Variants in VAV3 observed in about 807,000 individuals in gnomAD.
VAV3 encodes the protein guanine nucleotide exchange factor VAV3.
Under a neutral mutation model 131.2 loss-of-function variants are expected in VAV3, and 94 were observed. The ratio of observed to expected loss-of-function variants is 0.72; its 90% CI spans 0.61 to 0.85. VAV3 has a LOEUF of 0.85. VAV3 is among the 40% of genes least tolerant of loss of function. The pLI, the probability that VAV3 is intolerant of heterozygous loss-of-function variation, is 0.00. For synonymous variants in VAV3, 349 were observed against 342.0 expected, an observed-to-expected ratio of 1.02 and a Z score of -0.22; for missense variants, 939 against 1,002.7, an observed-to-expected ratio of 0.94 and a Z score of 0.86.
intron 2 of VAV3, among the ~76,000 whole-genome samples, chr1:107,862,192 A>T (rs1248801273): frequency 6.6e-6 from 1 of 151,554 alleles, no homozygotes; most frequent in East Asian, 1.9e-4. Flanking sequence ...CTCTATCCAG[A>T]GGAAGCCTGC....
intron 15 of VAV3, among the ~76,000 whole-genome samples, chr1:107,719,225 A>T (rs934821033): frequency 4.6e-5 from 7 of 152,248 alleles, no homozygotes; most frequent in African/African-American, 1.7e-4. Context: ...ATTAAACTAA[A>T]GAGCTTCTGC....
intron 17 of VAV3, among the ~76,000 whole-genome samples, chr1:107,696,001 C>G (rs1447219646): frequency 6.6e-6 from 1 of 152,098 alleles, no homozygotes; most frequent in Non-Finnish European, 1.5e-5. Flanking sequence ...ATAGCATGCT[C>G]CCCCTCTTAA....
intron 2 of VAV3, among the ~76,000 whole-genome samples, chr1:107,826,635 A>C (rs1459332326): frequency 3.3e-5 from 5 of 152,174 alleles, no homozygotes; most frequent in Admixed American, 3.3e-4. Context: ...TGTTAGCGAA[A>C]GTCAAGGGCT....
chr1:107,713,494 G>A (rs1393400536), intron 15 of VAV3, among the ~76,000 whole-genome samples: 1 of 151,768 alleles, frequency 6.6e-6, no homozygotes, highest in East Asian at 1.9e-4. Context: ...ATCCCAATTG[G>A]AAAAATAGCA....
At chr1:107,574,648 C>A (rs1649488388) in intron 25 of VAV3, among the ~76,000 whole-genome samples, 1 of 152,182 alleles carries the variant, frequency 6.6e-6, no homozygotes, top group African/African-American at 2.4e-5. Context: ...AACTAACACT[C>A]AAAACAACGA....
rs1374036465 is a variant in VAV3 at position 107,857,998 on chromosome 1, A to G, written c.321+16903T>C. Among the ~76,000 whole-genome samples, 5 of 152,246 alleles carry G rather than the reference A, an allele frequency of 3.3e-5. No homozygotes were observed. The South Asian group carries it at 8.3e-4, about 25-fold the overall frequency. ...GTAACAAGTAATATATAGTAACAAC[A>G]TAGGTAAAGAAAATGTTAATCCTGA... is the stretch of plus-strand genomic sequence containing the variant. On this transcript the variant is annotated intron_variant, in intron 2 of 26. Transcript: ENST00000370056.
chr1:107,844,937 C>G (rs1162016915), intron 2 of VAV3, among the ~76,000 whole-genome samples: 2 of 151,882 alleles, frequency 1.3e-5, no homozygotes, highest in Non-Finnish European at 2.9e-5. Context: ...GATCTCTCAG[C>G]ACAGCGTTTG....
In VAV3 at chr1:107,964,520, G is replaced by T. The variant is rs905107907; in HGVS notation, c.204+146C>A. 1.1e-5 allele frequency: 9 copies of T among 845,924 alleles called. No homozygotes were observed. The African/African-American group carries it at 1.5e-4, about 15-fold the overall frequency. 52.4% of individuals were successfully genotyped at this position (845,924 alleles called of 1,614,324 possible). A position where few individuals can be genotyped will look rare whatever the true frequency, so the allele number is the denominator to read the frequency against. On this transcript the variant is annotated intron_variant, in intron 1 of 26. Coordinates refer to ENST00000370056, the MANE Select transcript of VAV3 (RefSeq NM_006113.5). ...TCAAGCCAAGGTAGGAAACGCCAAA[G>T]TGGTGCCGAAGTGGTCCCAAAGCAG...
intron 14 of VAV3, 135 bp downstream of exon 14, chr1:107,749,327 T>C (rs1444692664): frequency 1.9e-6 from 2 of 1,036,166 alleles, no homozygotes; most frequent in Non-Finnish European, 2.7e-6. Flanking sequence ...TCTCACAAAG[T>C]TATGTACCTA....
At chr1:107,955,092 TA>T (rs1674743452) in intron 1 of VAV3, among the ~76,000 whole-genome samples, 1 of 152,202 alleles carries the variant, frequency 6.6e-6, no homozygotes, top group Admixed American at 6.5e-5. Context: ...GCACTTGTTA[TA>T]AGCCAGTCAC....
chr1:107,893,046 A>G (rs1054761605), intron 1 of VAV3, among the ~76,000 whole-genome samples: 37 of 80,820 alleles, frequency 4.6e-4, no homozygotes, highest in African/African-American at 1.3e-3. Context: ...TGAAAGAATT[A>G]AAAATATACA....
At chr1:107,633,595 G>C (rs933461442) in intron 20 of VAV3, among the ~76,000 whole-genome samples, 4 of 152,058 alleles carry the variant, frequency 2.6e-5, no homozygotes, top group African/African-American at 9.7e-5. Context: ...ACACCTCCTG[G>C]TATTTGATTG....
intron 15 of VAV3, among the ~76,000 whole-genome samples, chr1:107,711,333 G>C (rs1293482181): frequency 6.6e-6 from 1 of 152,178 alleles, no homozygotes; most frequent in Non-Finnish European, 1.5e-5. Context: ...ATTTTGGAGG[G>C]ACTGGTCACA....
intron 19 of VAV3, chr1:107,669,382 C>G (rs1401598757): frequency 1.6e-6 from 2 of 1,289,732 alleles, no homozygotes; most frequent in Non-Finnish European, 1.0e-6. Context: ...TCACCCATGT[C>G]CTCAGAATTT....
chr1:107,884,133 C>T (rs1465597676), intron 1 of VAV3, among the ~76,000 whole-genome samples: 2 of 149,154 alleles, frequency 1.3e-5, no homozygotes, highest in Non-Finnish European at 3.0e-5. Flanking sequence ...GAGATGGGGC[C>T]CAGTTTAAAA....
intron 1 of VAV3, among the ~76,000 whole-genome samples, chr1:107,906,387 G>A (rs2101103779): frequency 6.6e-6 from 1 of 152,304 alleles, no homozygotes; most frequent in East Asian, 1.9e-4. Context: ...AAATCGGGCT[G>A]GGCACGGTGG....
chr1:107,871,505 TA>T (rs35912633), intron 2 of VAV3, among the ~76,000 whole-genome samples: 8 of 149,020 alleles, frequency 5.4e-5, no homozygotes, highest in South Asian at 2.1e-4. Flanking sequence ...CCTGTGTGAT[TA>T]AAAAAAAAAG....
At chr1:107,667,128 T>C (rs530344663) in intron 19 of VAV3, among the ~76,000 whole-genome samples, 1 of 152,364 alleles carries the variant, frequency 6.6e-6, no homozygotes, top group African/African-American at 2.4e-5. Flanking sequence ...GCTCACCTTC[T>C]ATACCTCTGC....
chr1:107,742,295 C>T (rs147198281), intron 15 of VAV3, among the ~76,000 whole-genome samples: 145 of 151,896 alleles, frequency 9.5e-4, no homozygotes, highest in African/African-American at 3.3e-3. Context: ...TTCAAATTTA[C>T]AACAAAAATA....
Sources: gnomAD v4.1 joint callset for allele counts (sites outside exome capture counted in the v4.1 genomes callset) on GRCh38, gnomAD v4.1.1 for gene constraint, MANE v1.5 for transcripts, NCBI Gene and HGNC (gene_info 2026-07-23, HGNC 2026-07-21) for gene names.